Variants in SEC61A2 observed in about 807,000 individuals in gnomAD.
SEC61A2 encodes the protein protein transport protein Sec61 subunit alpha isoform 2.
Under a neutral mutation model 59.9 loss-of-function variants are expected in SEC61A2, and 28 were observed. The ratio of observed to expected loss-of-function variants is 0.47; its 90% CI spans 0.35 to 0.64. The LOEUF is 0.64. SEC61A2 is among the 30% of genes least tolerant of loss of function. The pLI is 0.01. For synonymous variants in SEC61A2, 202 were observed against 214.4 expected, an observed-to-expected ratio of 0.94 and a Z score of 0.50; for missense variants, 340 against 585.9, an observed-to-expected ratio of 0.58 and a Z score of 4.33.
At chr10:12,159,001 G>A (rs1334015396) in intron 9 of SEC61A2, among the ~76,000 whole-genome samples, 18 of 145,850 alleles carry the variant, frequency 1.2e-4, no homozygotes, top group South Asian at 1.1e-3. Context: ...TTTTTGAGAC[G>A]GAGTCTCGCT....
chr10:12,133,669 A>T (rs1356071393), intron 2 of SEC61A2, among the ~76,000 whole-genome samples: 1 of 152,254 alleles, frequency 6.6e-6, no homozygotes, highest in Non-Finnish European at 1.5e-5. Context: ...TGGACTAGAA[A>T]TAACCCAGTC....
chr10:12,132,656 A>AT (rs34211090), intron 1 of SEC61A2, among the ~76,000 whole-genome samples: 52,476 of 150,466 alleles, frequency 0.35, 9,622 homozygotes, highest in East Asian at 0.42. Context: ...TGATTCCATG[A>AT]TTTTTTTGTC....
intron 4 of SEC61A2, among the ~76,000 whole-genome samples, chr10:12,148,863 T>C (rs966844968): frequency 3.3e-5 from 5 of 152,090 alleles, no homozygotes; most frequent in Admixed American, 2.0e-4. Context: ...AAACATGTTT[T>C]TATTTTTTAC....
At chr10:12,159,134 C>T (rs571960466) in intron 9 of SEC61A2, among the ~76,000 whole-genome samples, 17 of 151,854 alleles carry the variant, frequency 1.1e-4, no homozygotes, top group Non-Finnish European at 1.9e-4. Flanking sequence ...CCCGCCACCA[C>T]GCCCAGCTAA....
chr10:12,132,777 A>T (rs1023068815), intron 1 of SEC61A2, among the ~76,000 whole-genome samples: 1 of 152,128 alleles, frequency 6.6e-6, no homozygotes. Flanking sequence ...TCCTCCTCTG[A>T]TACCTGCTTT....
rs1363961201 is a variant in SEC61A2, at chr10:12,149,847, A to C, written c.353-5A>C. ...GTGCTCTCCTTTCCCCCCAACTTTCATCAGTGTTTGGTATGATCATTACCA... is the reference window on the plus strand; with the variant it reads ...GTGCTCTCCTTTCCCCCCAACTTTCCTCAGTGTTTGGTATGATCATTACCA... On this transcript the variant is annotated splice_polypyrimidine_tract_variant and splice_region_variant and intron_variant, in intron 5 of 11. Transcript: ENST00000298428. The surrounding 1 kb of genome is among the most constrained non-coding windows in gnomAD (Gnocchi z 5.2). 2 of 1,612,882 alleles carry C rather than the reference A, an allele frequency of 1.2e-6. No individual in the cohort carries two copies. Among genetic ancestry groups the C allele is most frequent in the African/African-American group, 2.7e-5 (2 of 74,954 alleles).
At chr10:12,166,037 T>G (rs1193080280), downstream of SEC61A2, 1 of 152,236 alleles carries the variant, frequency 6.6e-6, no homozygotes, top group African/African-American at 2.4e-5. Context: ...TCAAACAGAC[T>G]GAATTTCCAA....
Position 12,160,553 on chromosome 10 carries a change from A to G in SEC61A2, c.976-377A>G, listed in dbSNP as rs1318656984. ...TGCATTAATATTTTCATATGGAAGG[A>G]TCATTCATAGGGATCTTAATGTACT... On this transcript the variant is annotated intron_variant, in intron 9 of 11. Transcript: ENST00000298428. The surrounding 1 kb of genome is among the most constrained non-coding windows in gnomAD (Gnocchi z 4.1). Among the ~76,000 whole-genome samples, 6 of 152,234 alleles carry G rather than the reference A, an allele frequency of 3.9e-5. No homozygotes were observed. Among genetic ancestry groups the G allele is most frequent in the Non-Finnish European group, 7.3e-5 (5 of 68,036 alleles).
chr10:12,152,225 G>T lies in SEC61A2; in HGVS notation c.462+2264G>T, dbSNP rs1022013772. Among the ~76,000 whole-genome samples, 2 of 152,012 alleles carry T rather than the reference G, an allele frequency of 1.3e-5. No homozygotes were observed. The highest frequency in any genetic ancestry group is 6.6e-5 in the Admixed American group (1 of 15,252). ...CCTCCCCGGTAGCTGGAATTACAGGGTCCTGCCACCACGTCCAGCTAGTTG... is the reference window on the plus strand; with the variant it reads ...CCTCCCCGGTAGCTGGAATTACAGGTTCCTGCCACCACGTCCAGCTAGTTG... On this transcript the variant is annotated intron_variant, in intron 6 of 11. Coordinates refer to ENST00000298428, the MANE Select transcript of SEC61A2 (RefSeq NM_018144.4). The surrounding 1 kb of genome is among the most constrained non-coding windows in gnomAD (Gnocchi z 5.5).
chr10:12,165,903 T>C (rs543395004), downstream of SEC61A2: 7 of 152,222 alleles, frequency 4.6e-5, no homozygotes, highest in Non-Finnish European at 1.0e-4. Context: ...CCCAGTGTTA[T>C]GACGTCCGAT....
chr10:12,137,290 A>G (rs1420854502), intron 3 of SEC61A2, among the ~76,000 whole-genome samples: 8 of 152,230 alleles, frequency 5.3e-5, no homozygotes, highest in South Asian at 2.1e-4. Context: ...AAAAATTACT[A>G]AAATTTGATG....
At position 12,156,531 on chromosome 10, in the gene SEC61A2, C is replaced by G. The variant is rs1834399197; in HGVS notation, c.617-376C>G. On this transcript the variant is annotated intron_variant, in intron 7 of 11. Coordinates refer to ENST00000298428, the MANE Select transcript of SEC61A2 (RefSeq NM_018144.4). This position sits in a 1 kb window ranked among gnomAD's most constrained non-coding sequence, Gnocchi z 5.2. The stretch of plus-strand genomic sequence containing the variant: ...CGAGGCAGGCTCGATAGAGTGACAT[C>G]TGTCTCTTATTCTGACATCTCTGCT... Among the ~76,000 whole-genome samples the G allele has an allele frequency of 6.6e-6, 1 of 152,206 alleles. No homozygotes were observed. Among genetic ancestry groups the G allele is most frequent in the Admixed American group, 6.5e-5 (1 of 15,276 alleles).
chr10:12,159,078 T>C (rs1033789020), intron 9 of SEC61A2, among the ~76,000 whole-genome samples: 2 of 151,326 alleles, frequency 1.3e-5, no homozygotes, highest in African/African-American at 2.4e-5. Context: ...CCCGGGTTCA[T>C]GCCATTCTCC....
chr10:12,143,212 T>C lies in SEC61A2; in HGVS notation c.220+17T>C. 7 of 1,547,232 alleles carry C rather than the reference T, an allele frequency of 4.5e-6. No homozygotes were observed. Among genetic ancestry groups the C allele is most frequent in the Non-Finnish European group, 6.3e-6 (7 of 1,119,102 alleles). Reference sequence around the variant, plus strand: ...CCAATAGAGGTATGCGTGTCTTTTCTGTCTCCACACTCCTACTCACAGCAA... The same window carrying C: ...CCAATAGAGGTATGCGTGTCTTTTCCGTCTCCACACTCCTACTCACAGCAA... On this transcript the variant is annotated intron_variant, in intron 4 of 11. Transcript: ENST00000298428. The surrounding 1 kb of genome is among the most constrained non-coding windows in gnomAD (Gnocchi z 4.8).
downstream of SEC61A2, among the ~76,000 whole-genome samples, chr10:12,168,833 G>A (rs1834778334): frequency 6.6e-6 from 1 of 152,004 alleles, no homozygotes; most frequent in African/African-American, 2.4e-5. This position sits in a 1 kb window ranked among gnomAD's most constrained non-coding sequence, Gnocchi z 4.8. Context: ...CACGATCTTG[G>A]CTCACTGCAA....
intron 1 of SEC61A2, among the ~76,000 whole-genome samples, chr10:12,130,188 C>G (rs1218687796): frequency 1.3e-5 from 2 of 152,118 alleles, no homozygotes; most frequent in African/African-American, 4.8e-5. Flanking sequence ...GCTCCCCTAA[C>G]TCGTTTAATT....
At chr10:12,151,520 C>T (rs1362952644) in intron 6 of SEC61A2, among the ~76,000 whole-genome samples, 1 of 151,750 alleles carries the variant, frequency 6.6e-6, no homozygotes, top group Non-Finnish European at 1.5e-5. Flanking sequence ...CCATGTTGGC[C>T]AGGATGGTCT....
Position 12,164,536 on chromosome 10 carries a change from C to T in SEC61A2, c.*82C>T. 2.0e-6 allele frequency: 3 copies of T among 1,528,706 alleles called. No homozygotes were observed. The highest frequency in any genetic ancestry group is 1.8e-6 in the Non-Finnish European group (2 of 1,142,172). 94.7% of individuals were successfully genotyped at this position (1,528,706 alleles called of 1,614,324 possible). A position where few individuals can be genotyped will look rare whatever the true frequency, so the allele number is the denominator to read the frequency against. ...TTTGTCAGATGACACTGGTGGCTCC[C>T]CTTTTCTCCCCTCACAGTTTCTTGT... On this transcript the variant is annotated 3_prime_UTR_variant, in exon 12 of 12. Coordinates refer to ENST00000298428, the MANE Select transcript of SEC61A2 (RefSeq NM_018144.4). This position sits in a 1 kb window ranked among gnomAD's most constrained non-coding sequence, Gnocchi z 7.3.
intron 4 of SEC61A2, among the ~76,000 whole-genome samples, chr10:12,147,925 A>C (rs1834181490): frequency 6.6e-6 from 1 of 151,758 alleles, no homozygotes; most frequent in Non-Finnish European, 1.5e-5. Flanking sequence ...TAACTTAAGA[A>C]ATCTATCTAA....
Sources: allele counts gnomAD v4.1 joint callset (sites outside exome capture counted in the v4.1 genomes callset), GRCh38; gene constraint gnomAD v4.1.1; non-coding constraint Gnocchi (gnomAD v3.1); transcripts MANE v1.5; gene names NCBI Gene and HGNC (gene_info 2026-07-23, HGNC 2026-07-21).